PITPNA: variants seen among roughly 807,000 people sequenced by gnomAD.
The protein encoded by PITPNA is phosphatidylinositol transfer protein alpha, also known as phosphatidylinositol transfer protein alpha isoform.
A neutral mutation model predicts 50.3 loss-of-function variants in PITPNA; 13 were observed. That is an observed-to-expected ratio of 0.26 (90% CI 0.17 to 0.41). The LOEUF is 0.41. Ranked by LOEUF, PITPNA falls within the 10% of genes least tolerant of loss-of-function variation. PITPNA has a pLI of 1.00. For missense variants in PITPNA, 207 were observed against 333.4 expected, an observed-to-expected ratio of 0.62 and a Z score of 2.95; for synonymous variants, 120 against 119.6, an observed-to-expected ratio of 1.00 and a Z score of -0.02.
chr17:1,547,795 A>G (rs1198558450), intron 4 of PITPNA, among the ~76,000 whole-genome samples: 1 of 152,156 alleles, frequency 6.6e-6, no homozygotes, highest in East Asian at 1.9e-4. Context: ...GGAGGTCGAG[A>G]CCAGCCTGGG....
intron 7 of PITPNA, among the ~76,000 whole-genome samples, chr17:1,537,740 T>C (rs1567580545): frequency 6.6e-6 from 1 of 152,180 alleles, no homozygotes; most frequent in East Asian, 1.9e-4. Flanking sequence ...GTTGGGATAT[T>C]GGGCAAGGAA....
In PITPNA at chr17:1,554,882, T is replaced by C. The variant is rs530933996; in HGVS notation, c.52-1733A>G. On this transcript the variant is annotated intron_variant, in intron 2 of 11. Coordinates refer to ENST00000313486, the MANE Select transcript of PITPNA (RefSeq NM_006224.4). ...AACATATGGGTGAAAGCCAGTCACC[T>C]TGACCTTGCTAATCCTAAGCTGCAT... is the stretch of plus-strand genomic sequence containing the variant. Among the ~76,000 whole-genome samples the C allele has an allele frequency of 3.3e-5, 5 of 152,196 alleles. No homozygotes were observed. The South Asian group carries it at 6.2e-4, about 19-fold the overall frequency.
chr17:1,561,806 C>A (rs2075769619), intron 1 of PITPNA, among the ~76,000 whole-genome samples: 1 of 152,134 alleles, frequency 6.6e-6, no homozygotes, highest in South Asian at 2.1e-4. Context: ...GTCCACTTAC[C>A]ACCACCCCTC....
At chr17:1,522,504 C>T (rs1214433444) in intron 10 of PITPNA, among the ~76,000 whole-genome samples, 1 of 152,172 alleles carries the variant, frequency 6.6e-6, no homozygotes, top group Non-Finnish European at 1.5e-5. Context: ...TCCCAAGTAG[C>T]TGGGATTGCA....
At chr17:1,532,064 T>C (rs1396475098) in intron 10 of PITPNA, among the ~76,000 whole-genome samples, 2 of 152,162 alleles carry the variant, frequency 1.3e-5, no homozygotes, top group Non-Finnish European at 1.5e-5. Flanking sequence ...TGATTCTCCA[T>C]GGAATGGAGA....
At chr17:1,554,940 A>G (rs925298430) in intron 2 of PITPNA, among the ~76,000 whole-genome samples, 9 of 152,172 alleles carry the variant, frequency 5.9e-5, no homozygotes, top group Admixed American at 5.9e-4. Context: ...TGGAGCCCCA[A>G]GCTGTCCCTG....
intron 7 of PITPNA, among the ~76,000 whole-genome samples, chr17:1,536,481 G>A (rs2075617495): frequency 6.6e-6 from 1 of 151,974 alleles, no homozygotes; most frequent in African/African-American, 2.4e-5. Flanking sequence ...AGTAGAGACG[G>A]GGTTTCACCG....
At chr17:1,550,611 C>A (rs9895265) in intron 3 of PITPNA, among the ~76,000 whole-genome samples, 22,205 of 151,940 alleles carry the variant, frequency 0.15, 2,334 homozygotes, top group East Asian at 0.42. Flanking sequence ...CACTGGCAGC[C>A]TTGACTTCCT....
At chr17:1,522,233 G>A (rs1055550390) in intron 10 of PITPNA, among the ~76,000 whole-genome samples, 13 of 150,484 alleles carry the variant, frequency 8.6e-5, no homozygotes, top group Admixed American at 2.0e-4. Context: ...CACCGCGCCC[G>A]GCTAATTTTT....
At chr17:1,521,692 G>C in intron 10 of PITPNA, 47 bp from the exon 11 acceptor site, 1 of 1,527,940 alleles carries the variant, frequency 6.5e-7, no homozygotes. Flanking sequence ...GCTGCTGATG[G>C]AACTCCTGCC....
At chr17:1,543,087 A>C in intron 4 of PITPNA, 60 bp from the exon 5 acceptor site, 2 of 1,350,560 alleles carry the variant, frequency 1.5e-6, no homozygotes, top group Non-Finnish European at 2.1e-6. Context: ...ATGAAGAAAT[A>C]TCTGCCCCCC....
intron 2 of PITPNA, among the ~76,000 whole-genome samples, chr17:1,553,939 A>C (rs768566704): frequency 3.9e-5 from 6 of 152,160 alleles, no homozygotes; most frequent in Non-Finnish European, 8.8e-5. Context: ...TTCCTGCCCC[A>C]CAGTCTGTGC....
chr17:1,522,210 T>C (rs955607867), intron 10 of PITPNA, among the ~76,000 whole-genome samples: 9 of 151,242 alleles, frequency 6.0e-5, no homozygotes, highest in Admixed American at 2.0e-4. Flanking sequence ...TAGCTGGGAC[T>C]ACAGGCGCCC....
At chr17:1,529,642 C>G (rs2075569336) in intron 10 of PITPNA, among the ~76,000 whole-genome samples, 1 of 151,938 alleles carries the variant, frequency 6.6e-6, no homozygotes, top group South Asian at 2.1e-4. Context: ...GTCACCTGAG[C>G]TCAGGAGTTC....
chr17:1,547,003 A>T (rs2075678241), intron 4 of PITPNA, among the ~76,000 whole-genome samples: 1 of 152,218 alleles, frequency 6.6e-6, no homozygotes, highest in African/African-American at 2.4e-5. Context: ...TTAAAAAACA[A>T]AACAAAACAA....
intron 1 of PITPNA, among the ~76,000 whole-genome samples, chr17:1,560,391 CCT>C (rs1165399474): frequency 2.8e-5 from 2 of 72,164 alleles, no homozygotes; most frequent in Non-Finnish European, 5.9e-5. Context: ...TCTCGGATGC[CCT>C]GATGCCCCTG....
chr17:1,534,702 A>T (rs2075604211), intron 9 of PITPNA, among the ~76,000 whole-genome samples: 1 of 152,226 alleles, frequency 6.6e-6, no homozygotes, highest in Non-Finnish European at 1.5e-5. Context: ...CCTGGCTCCC[A>T]GCACCTCTTG....
intron 1 of PITPNA, among the ~76,000 whole-genome samples, chr17:1,559,339 T>C (rs1375899044): frequency 6.6e-6 from 1 of 152,200 alleles, no homozygotes; most frequent in African/African-American, 2.4e-5. Flanking sequence ...ACCAGCAACC[T>C]ATTGGAGAAG....
At chr17:1,540,043 TCTGA>T (rs1352984493) in intron 6 of PITPNA, among the ~76,000 whole-genome samples, 3 of 152,248 alleles carry the variant, frequency 2.0e-5, no homozygotes, top group Non-Finnish European at 4.4e-5. Context: ...GAACGAATGC[TCTGA>T]CTATTGAGGG....
Sources: allele counts gnomAD v4.1 joint callset (sites outside exome capture counted in the v4.1 genomes callset), GRCh38; gene constraint gnomAD v4.1.1; transcripts MANE v1.5; gene names NCBI Gene and HGNC (gene_info 2026-07-23, HGNC 2026-07-21).